The following FAM118B variants were observed in gnomAD, a reference collection of about 807,000 sequenced individuals.
The protein encoded by FAM118B is SIR2 antiphage like 1, also known as protein FAM118B.
Under a neutral mutation model 38.5 loss-of-function variants are expected in FAM118B, and 24 were observed. The observed-to-expected ratio is 0.62, with a 90% confidence interval of 0.45 to 0.88. The LOEUF is 0.88. FAM118B is among the 40% of genes least tolerant of loss of function. The pLI is 0.00. For missense variants in FAM118B, 334 were observed against 420.0 expected, an observed-to-expected ratio of 0.80 and a Z score of 1.79; for synonymous variants, 138 against 156.3, an observed-to-expected ratio of 0.88 and a Z score of 0.87.
rs1377550968 is a variant in FAM118B at position 126,221,535 on chromosome 11, G to A, written c.-76-7690G>A. On this transcript the variant is annotated intron_variant, in intron 1 of 8. Transcript: ENST00000533050. The stretch of plus-strand genomic sequence containing the variant: ...TTTAAGTTTGAAGTACAGTCTGAAA[G>A]TACCTTTCAATATTGAAGGGCTGCC... 2.0e-5 allele frequency among the ~76,000 whole-genome samples: 3 copies of A among 152,112 alleles called. 1 individual carries two copies. In the South Asian group the frequency reaches 6.2e-4, roughly 32 times the overall value.
chr11:126,221,371 T>C (rs1950060141), intron 1 of FAM118B, among the ~76,000 whole-genome samples: 2 of 152,168 alleles, frequency 1.3e-5, no homozygotes, highest in Non-Finnish European at 2.9e-5. Context: ...TTTTCCAAAA[T>C]CAGTAAATAC....
At chr11:126,219,021 T>C (rs573232640) in intron 1 of FAM118B, among the ~76,000 whole-genome samples, 4 of 152,292 alleles carry the variant, frequency 2.6e-5, no homozygotes, top group African/African-American at 7.2e-5. Context: ...ATTTGCGCAT[T>C]AGTTAAATAG....
In FAM118B at chr11:126,253,687, T is replaced by C. The variant is rs1218661871; in HGVS notation, c.568-618T>C. On this transcript the variant is annotated intron_variant, in intron 5 of 8. Coordinates refer to ENST00000533050, the MANE Select transcript of FAM118B (RefSeq NM_024556.4). The surrounding 1 kb of genome is among the most constrained non-coding windows in gnomAD (Gnocchi z 5.1). Reference sequence around the variant, plus strand: ...CACCCTCTTCACATACCTGCAGACATCTGATGGCCGCACCAGGGCTGAGTG... The same window carrying C: ...CACCCTCTTCACATACCTGCAGACACCTGATGGCCGCACCAGGGCTGAGTG... Among the ~76,000 whole-genome samples the C allele has an allele frequency of 6.6e-6, 1 of 152,184 alleles. No homozygotes were observed. The highest frequency in any genetic ancestry group is 1.9e-4 in the East Asian group (1 of 5,196).
Position 126,239,793 on chromosome 11 carries a change from C to T in FAM118B, c.87-999C>T, listed in dbSNP as rs559043101. Reference sequence around the variant, plus strand: ...CCCCCCAAAGTGCTGGGATTACAGGCGTGAGCCACTGCTCCTGGCCTCGGT... The same window carrying T: ...CCCCCCAAAGTGCTGGGATTACAGGTGTGAGCCACTGCTCCTGGCCTCGGT... On this transcript the variant is annotated intron_variant, in intron 3 of 8. Coordinates refer to ENST00000533050, the MANE Select transcript of FAM118B (RefSeq NM_024556.4). 3.9e-5 allele frequency among the ~76,000 whole-genome samples: 6 copies of T among 152,250 alleles called. No individual in the cohort carries two copies. In the East Asian group the frequency reaches 7.7e-4, roughly 20 times the overall value.
intron 1 of FAM118B, 42 bp from the exon 2 acceptor site, chr11:126,229,183 T>C (rs917484576): frequency 6.6e-6 from 1 of 152,166 alleles, no homozygotes; most frequent in Non-Finnish European, 1.5e-5. Flanking sequence ...ATCTGATATT[T>C]TAAAAGTCTC....
At chr11:126,236,585 C>T (rs576338532) in intron 3 of FAM118B, among the ~76,000 whole-genome samples, 9 of 152,208 alleles carry the variant, frequency 5.9e-5, no homozygotes, top group East Asian at 3.9e-4. Flanking sequence ...ATCTAGACAC[C>T]GGGCAGCTCT....
intron 3 of FAM118B, among the ~76,000 whole-genome samples, chr11:126,235,308 G>A (rs1287835823): frequency 6.6e-6 from 1 of 152,164 alleles, no homozygotes; most frequent in African/African-American, 2.4e-5. Flanking sequence ...CCCTTCCTCA[G>A]AGATAATCAC....
intron 1 of FAM118B, among the ~76,000 whole-genome samples, chr11:126,212,412 C>T (rs929081897): frequency 6.6e-6 from 1 of 152,188 alleles, no homozygotes; most frequent in Non-Finnish European, 1.5e-5. Context: ...TTTTTCCTCT[C>T]CATAGTTTGC....
intron 2 of FAM118B, chr11:126,233,459 T>G: frequency 3.8e-6 from 1 of 262,390 alleles, no homozygotes; most frequent in Non-Finnish European, 7.4e-6. Flanking sequence ...CACTCCAGGC[T>G]GGGCAACAAG....
intron 7 of FAM118B, among the ~76,000 whole-genome samples, 156 bp downstream of exon 7, chr11:126,257,008 T>G (rs1160053095): frequency 1.3e-5 from 2 of 152,198 alleles, no homozygotes; most frequent in Non-Finnish European, 2.9e-5. Flanking sequence ...TAGACTAAAG[T>G]GCCACTTGGA....
chr11:126,251,571 C>G (rs955532760), intron 5 of FAM118B, among the ~76,000 whole-genome samples: 3 of 152,188 alleles, frequency 2.0e-5, no homozygotes, highest in Non-Finnish European at 2.9e-5. Flanking sequence ...CGCCTACGCC[C>G]TCATATTCTG....
At chr11:126,236,364 C>T (rs1430780389) in intron 3 of FAM118B, among the ~76,000 whole-genome samples, 1 of 152,204 alleles carries the variant, frequency 6.6e-6, no homozygotes, top group African/African-American at 2.4e-5. Context: ...TTTAGTATCT[C>T]TCATTCATAC....
At chr11:126,241,598 G>A (rs1235212318) in intron 4 of FAM118B, among the ~76,000 whole-genome samples, 1 of 151,876 alleles carries the variant, frequency 6.6e-6, no homozygotes, top group Non-Finnish European at 1.5e-5. Context: ...CACCCAGGCT[G>A]AAGTTCAGTG....
At position 126,236,659 on chromosome 11, in the gene FAM118B, T is replaced by A. The variant is rs75891109; in HGVS notation, c.86+1572T>A. The stretch of plus-strand genomic sequence containing the variant: ...GACTTATATTACTTTTTTGATACTT[T>A]CCATTACAATGTTTTTTCTATTCCA... On this transcript the variant is annotated intron_variant, in intron 3 of 8. Transcript: ENST00000533050. Among the ~76,000 whole-genome samples the A allele has an allele frequency of 2.1e-4, 32 of 152,330 alleles. No homozygotes were observed. The East Asian group carries it at 5.6e-3, about 27-fold the overall frequency.
chr11:126,221,319 T>G (rs1297581642), intron 1 of FAM118B, among the ~76,000 whole-genome samples: 1 of 152,230 alleles, frequency 6.6e-6, no homozygotes, highest in African/African-American at 2.4e-5. Flanking sequence ...ATTCTCTTGT[T>G]TAGAAATGAT....
Position 126,262,290 on chromosome 11 carries a change from G to T in FAM118B, c.*157G>T. The T allele has an allele frequency of 1.5e-5, 9 of 585,034 alleles. No homozygotes were observed. Among genetic ancestry groups the T allele is most frequent in the East Asian group, 7.6e-5 (2 of 26,404 alleles). 36.2% of individuals were successfully genotyped at this position (585,034 alleles called of 1,614,324 possible). ...GTAGAAGAGGGGGGAATGTTGCAGC[G>T]TAATCCTTCATACCACCTGGTTCTT... On this transcript the variant is annotated 3_prime_UTR_variant, in exon 9 of 9. Coordinates refer to ENST00000533050, the MANE Select transcript of FAM118B (RefSeq NM_024556.4).
At position 126,262,178 on chromosome 11, in the gene FAM118B, C is replaced by G. The variant is rs1201087676; in HGVS notation, c.*45C>G. ...ACCGTTTAGACCAAGCTGTAAGGCC[C>G]TACTACAGACAGTGTTTAACAAGTA... is the stretch of plus-strand genomic sequence containing the variant. On this transcript the variant is annotated 3_prime_UTR_variant, in exon 9 of 9. Transcript: ENST00000533050. 6.3e-7 allele frequency: 1 copy of G among 1,599,100 alleles called. No homozygotes were observed. Among genetic ancestry groups the G allele is most frequent in the Non-Finnish European group, 8.6e-7 (1 of 1,166,654 alleles).
chr11:126,250,669 T>C lies in FAM118B; in HGVS notation c.503T>C (p.Leu168Ser). 6.2e-7 allele frequency: 1 copy of C among 1,614,182 alleles called. No individual in the cohort carries two copies. Among genetic ancestry groups the C allele is most frequent in the Non-Finnish European group, 8.5e-7 (1 of 1,180,032 alleles). ...TTAACTACAAATTTTGATAATCTCT[T>C]GGAACTGTATGCAGCAGATCAGGGG... ...LVLTTNFDNL[L>S]ELYAADQGKQ... Residue 168 changes from leucine (L) to serine (S), a missense_variant, in exon 5 of 9, where the codon TTG becomes TCG. By Grantham distance (145) the Leu-to-Ser change is moderately radical. This residue lies in a region of FAM118B where 240 missense variants were observed against 295.9 expected (regional missense o/e 0.81). Transcript: ENST00000533050. The surrounding 1 kb of genome is among the most constrained non-coding windows in gnomAD (Gnocchi z 5.1).
intron 2 of FAM118B, chr11:126,233,664 T>A (rs1359861542): frequency 2.2e-6 from 1 of 450,194 alleles, no homozygotes; most frequent in Non-Finnish European, 4.4e-6. Flanking sequence ...GTATTATTTC[T>A]ATTTACCTTA....
Sources: allele counts gnomAD v4.1 joint callset (sites outside exome capture counted in the v4.1 genomes callset), GRCh38; gene constraint gnomAD v4.1.1; regional missense constraint gnomAD v4.1.1; non-coding constraint Gnocchi (gnomAD v3.1); transcripts MANE v1.5; gene names NCBI Gene and HGNC (gene_info 2026-07-23, HGNC 2026-07-21).